Variants in RALYL observed in about 807,000 individuals in gnomAD.
RALYL encodes the protein RALY RNA binding protein like.
A neutral mutation model predicts 35.1 loss-of-function variants in RALYL; 29 were observed. That is an observed-to-expected ratio of 0.83 (90% CI 0.61 to 1.13). RALYL has a LOEUF of 1.13. Ranked by LOEUF, RALYL falls within the 50% of genes most tolerant of loss-of-function variation. The pLI, the probability that RALYL is intolerant of heterozygous loss-of-function variation, is 0.00. For synonymous variants in RALYL, 120 were observed against 127.6 expected (o/e 0.94, Z 0.40); for missense variants, 359 against 360.4 (o/e 1.00, Z 0.03).
chr8:84,629,361 A>G (rs1231504037), intron 2 of RALYL, among the ~76,000 whole-genome samples: 1 of 152,108 alleles, frequency 6.6e-6, no homozygotes, highest in East Asian at 1.9e-4. Context: ...AAAGTGTGGG[A>G]AAAATACTTC....
At chr8:84,550,042 G>A (rs2060612994) in intron 2 of RALYL, among the ~76,000 whole-genome samples, 1 of 152,104 alleles carries the variant, frequency 6.6e-6, no homozygotes, top group Non-Finnish European at 1.5e-5. Context: ...ATTGTTTGGT[G>A]GAGCCAATAC....
chr8:84,230,017 A>T lies in RALYL; in HGVS notation c.-24+45593A>T, dbSNP rs542609948. ...TAATTTTACTTGGATATCACTCCTA[A>T]TTAGTTTGAGAAGTAGGTAGGACAT... On this transcript the variant is annotated intron_variant, in intron 1 of 8. Coordinates refer to ENST00000521268, the MANE Select transcript of RALYL (RefSeq NM_173848.7). Among the ~76,000 whole-genome samples, 8 of 152,308 alleles carry T rather than the reference A, an allele frequency of 5.3e-5. No individual in the cohort carries two copies. In the South Asian group the frequency reaches 1.7e-3, roughly 32 times the overall value.
rs931464447 is a variant in RALYL at position 84,183,355 on chromosome 8, C to G, written c.-1093C>G. 6.5e-6 allele frequency: 1 copy of G among 154,290 alleles called. No homozygotes were observed. Among genetic ancestry groups the G allele is most frequent in the African/African-American group, 2.4e-5 (1 of 41,454 alleles). 9.6% of individuals were successfully genotyped at this position (154,290 alleles called of 1,614,324 possible). ...TGCCGCTCTCAGGCGCCAGGCTCCC[C>G]GTCGCCGCCGCCGCCGCCTCGCCAG... On this transcript the variant is annotated 5_prime_UTR_variant, in exon 1 of 9. Transcript: ENST00000521268.
intron 1 of RALYL, among the ~76,000 whole-genome samples, chr8:84,467,851 G>A (rs1399802597): frequency 7.3e-6 from 1 of 137,360 alleles, no homozygotes; most frequent in Non-Finnish European, 1.6e-5. Flanking sequence ...TATATATTTA[G>A]GATAGTTAGC....
intron 1 of RALYL, among the ~76,000 whole-genome samples, chr8:84,480,443 T>C (rs1228719117): frequency 3.3e-5 from 5 of 152,186 alleles, no homozygotes; most frequent in Non-Finnish European, 7.4e-5. Flanking sequence ...GAAGACAACC[T>C]TCTTTGTTTA....
intron 2 of RALYL, among the ~76,000 whole-genome samples, chr8:84,536,706 A>G (rs1223262842): frequency 6.6e-6 from 1 of 152,202 alleles, no homozygotes; most frequent in Non-Finnish European, 1.5e-5. Flanking sequence ...TAATTCTATT[A>G]CCATTTGGAC....
intron 1 of RALYL, among the ~76,000 whole-genome samples, chr8:84,251,387 C>G (rs1373783008): frequency 2.0e-5 from 3 of 152,022 alleles, no homozygotes; most frequent in Non-Finnish European, 4.4e-5. Context: ...CTTTCATTGT[C>G]AAATAGTAAA....
At chr8:84,823,117 G>A (rs1280301929) in intron 4 of RALYL, among the ~76,000 whole-genome samples, 3 of 152,086 alleles carry the variant, frequency 2.0e-5, no homozygotes, top group Non-Finnish European at 4.4e-5. Context: ...TATCGTTATA[G>A]CATGTTATAT....
intron 1 of RALYL, among the ~76,000 whole-genome samples, chr8:84,449,454 T>A (rs187683064): frequency 7.8e-4 from 118 of 152,142 alleles, no homozygotes; most frequent in African/African-American, 2.6e-3. Flanking sequence ...CCTTCCACCT[T>A]AAGTGTCCCT....
chr8:84,503,710 G>A (rs1291616459), intron 1 of RALYL, among the ~76,000 whole-genome samples: 9 of 151,792 alleles, frequency 5.9e-5, no homozygotes, highest in Non-Finnish European at 8.8e-5. Context: ...TTAGCCAGGC[G>A]TGGTGGCAGG....
intron 1 of RALYL, among the ~76,000 whole-genome samples, chr8:84,485,268 A>G (rs979753907): frequency 6.6e-6 from 1 of 152,148 alleles, no homozygotes; most frequent in Non-Finnish European, 1.5e-5. Flanking sequence ...CCTAGCAAAC[A>G]TCTCATACTC....
At chr8:84,746,917 T>C (rs187682813) in intron 2 of RALYL, among the ~76,000 whole-genome samples, 1 of 151,986 alleles carries the variant, frequency 6.6e-6, no homozygotes, top group Admixed American at 6.6e-5. Flanking sequence ...TTTATTAAAG[T>C]TATACATTCA....
intron 4 of RALYL, among the ~76,000 whole-genome samples, chr8:84,845,662 AGT>A (rs1363725870): frequency 3.3e-5 from 5 of 152,076 alleles, no homozygotes; most frequent in African/African-American, 1.2e-4. Context: ...GAAGTTCTTG[AGT>A]TTAATTATGT....
intron 2 of RALYL, among the ~76,000 whole-genome samples, chr8:84,725,276 A>G (rs1415831923): frequency 6.6e-6 from 1 of 151,736 alleles, no homozygotes; most frequent in Non-Finnish European, 1.5e-5. Context: ...GTACATTGCT[A>G]TGACAAAATA....
intron 1 of RALYL, among the ~76,000 whole-genome samples, chr8:84,284,281 A>G (rs1837188686): frequency 6.6e-6 from 1 of 152,282 alleles, no homozygotes; most frequent in African/African-American, 2.4e-5. Context: ...TCCATTATAT[A>G]GAAGGTTAGT....
intron 1 of RALYL, among the ~76,000 whole-genome samples, chr8:84,516,228 G>T (rs1009583863): frequency 1.4e-5 from 2 of 138,016 alleles, no homozygotes; most frequent in Non-Finnish European, 3.1e-5. Flanking sequence ...ATATCACAGG[G>T]TTAAAATGTG....
At chr8:84,342,351 A>T (rs1216624025) in intron 1 of RALYL, among the ~76,000 whole-genome samples, 1 of 140,622 alleles carries the variant, frequency 7.1e-6, no homozygotes, top group Non-Finnish European at 1.5e-5. Context: ...AGCCAGGCCT[A>T]CACACATTAA....
chr8:84,271,763 A>G (rs954663545), intron 1 of RALYL, among the ~76,000 whole-genome samples: 2 of 152,122 alleles, frequency 1.3e-5, no homozygotes, highest in Admixed American at 1.3e-4. Context: ...ACACTATTCC[A>G]CTTACATGGA....
intron 1 of RALYL, among the ~76,000 whole-genome samples, chr8:84,350,475 C>T (rs1850681550): frequency 6.7e-6 from 1 of 149,574 alleles, no homozygotes; most frequent in African/African-American, 2.5e-5. Flanking sequence ...CTGTATTGTC[C>T]CTGGTCGAGA....
Sources: allele counts gnomAD v4.1 joint callset (sites outside exome capture counted in the v4.1 genomes callset), GRCh38; gene constraint gnomAD v4.1.1; transcripts MANE v1.5; gene names NCBI Gene and HGNC (gene_info 2026-07-23, HGNC 2026-07-21).